The following PTPRZ1 variants were observed in gnomAD, a reference collection of about 807,000 sequenced individuals.
PTPRZ1 encodes protein tyrosine phosphatase receptor type Z1.
In PTPRZ1, 82 loss-of-function variants were observed where a neutral mutation model predicts 214.1. The observed-to-expected ratio is 0.38, with a 90% CI of 0.32 to 0.46. The LOEUF is 0.46. Among genes scored for constraint, PTPRZ1 ranks in the 20% least tolerant of loss-of-function variants. The probability of loss-of-function intolerance (pLI) is 1.00; values close to 1 mark genes in which losing one functional copy is unlikely to be tolerated. For synonymous variants in PTPRZ1, 945 were observed against 987.9 expected (o/e 0.96, Z 0.81); for missense variants, 2,603 against 2,748.7 (o/e 0.95, Z 1.19).
At chr7:122,049,516 GA>G (rs1792104670) in intron 23 of PTPRZ1, among the ~76,000 whole-genome samples, 1 of 151,786 alleles carries the variant, frequency 6.6e-6, no homozygotes, top group Non-Finnish European at 1.5e-5. Flanking sequence ...AAATGTTTTA[GA>G]ACAAAAAAGA....
chr7:121,887,390 C>G (rs1194935296), intron 1 of PTPRZ1, among the ~76,000 whole-genome samples: 1 of 152,086 alleles, frequency 6.6e-6, no homozygotes, highest in East Asian at 1.9e-4. Context: ...GTAAGCAACT[C>G]GAGATCACAT....
chr7:121,976,779 T>A lies in PTPRZ1; in HGVS notation c.553-6T>A, dbSNP rs1797451386. The A allele has an allele frequency of 6.3e-7, 1 of 1,587,864 alleles. No individual in the cohort carries two copies. Among genetic ancestry groups the A allele is most frequent in the Non-Finnish European group, 8.6e-7 (1 of 1,166,784 alleles). ...CTTTTTTTAGAATGTGATTCTTTTT[T>A]AACAGGTTGGGACAGAAGAAAATTT... On this transcript the variant is annotated splice_polypyrimidine_tract_variant and splice_region_variant and intron_variant, in intron 5 of 29. Transcript: ENST00000393386.
At chr7:121,937,699 G>A (rs1199521639) in intron 2 of PTPRZ1, among the ~76,000 whole-genome samples, 2 of 152,096 alleles carry the variant, frequency 1.3e-5, no homozygotes, top group African/African-American at 4.8e-5. Flanking sequence ...TCAGATTCTG[G>A]TCCATGCAAG....
At chr7:121,930,589 G>A (rs1296767709) in intron 2 of PTPRZ1, among the ~76,000 whole-genome samples, 1 of 151,900 alleles carries the variant, frequency 6.6e-6, no homozygotes, top group Non-Finnish European at 1.5e-5. Context: ...CACTAACACT[G>A]ACTCTAAAAA....
Position 121,930,979 on chromosome 7 carries a change from A to G in PTPRZ1, c.124+2758A>G, listed in dbSNP as rs555389767. The stretch of plus-strand genomic sequence containing the variant: ...TTAGTTTTCCTGGAAAATATCTGCC[A>G]GTGTCACCATCTGGGCAATATTTAA... On this transcript the variant is annotated intron_variant, in intron 2 of 29. Transcript: ENST00000393386. Among the ~76,000 whole-genome samples the G allele has an allele frequency of 3.3e-5, 5 of 152,296 alleles. No homozygotes were observed. The East Asian group carries it at 9.7e-4, about 29-fold the overall frequency.
intron 1 of PTPRZ1, among the ~76,000 whole-genome samples, chr7:121,901,259 A>G (rs1794949626): frequency 6.6e-6 from 1 of 152,124 alleles, no homozygotes; most frequent in Non-Finnish European, 1.5e-5. Flanking sequence ...TTCACAACCT[A>G]CTCAAAGTGA....
At chr7:122,044,940 G>A (rs1799842442) in intron 23 of PTPRZ1, among the ~76,000 whole-genome samples, 1 of 151,338 alleles carries the variant, frequency 6.6e-6, no homozygotes, top group South Asian at 2.1e-4. Context: ...CGGTGGCTCA[G>A]GCTGTTCCTG....
At chr7:122,008,572 G>C (rs1798558534) in intron 11 of PTPRZ1, among the ~76,000 whole-genome samples, 1 of 152,048 alleles carries the variant, frequency 6.6e-6, no homozygotes, top group African/African-American at 2.4e-5. Flanking sequence ...GTTGGTCCCT[G>C]TTTTTATGTT....
At chr7:121,908,672 A>G in intron 1 of PTPRZ1, 1 of 462,838 alleles carries the variant, frequency 2.2e-6, no homozygotes, top group Non-Finnish European at 4.1e-6. Flanking sequence ...AAAAACTTGA[A>G]TAAATTGCTA....
intron 10 of PTPRZ1, among the ~76,000 whole-genome samples, chr7:121,999,408 TCA>T (rs1461282485): frequency 1.3e-5 from 2 of 152,154 alleles, no homozygotes; most frequent in African/African-American, 4.8e-5. Context: ...CCAAAGTTCC[TCA>T]CAATGAGCTA....
rs1170112403 is a variant in PTPRZ1 at position 122,053,912 on chromosome 7, C to T, written c.6255C>T (p.Gly2085=). Residue 2085 remains glycine (G), a splice_region_variant and synonymous_variant, in exon 26 of 30, where the codon GGC becomes GGT. Transcript: ENST00000393386. ...TTGTCTTCTCTTTGGTTTTGTAGGG[C>T]TATTACCAGAGCAATGAATTCATCA... The part of the protein sequence containing the change: ...TDYINASYIM[G]YYQSNEFIIT... The T allele has an allele frequency of 6.2e-7, 1 of 1,612,572 alleles. No individual in the cohort carries two copies. Among genetic ancestry groups the T allele is most frequent in the South Asian group, 1.1e-5 (1 of 91,020 alleles).
chr7:122,031,462 TTA>T lies in PTPRZ1; in HGVS notation c.5081-10_5081-9del, dbSNP rs1799369466. ...AATTATGCTCTCTAACACAATTTTT[TTA>T]TTCACGTAGATGATGTCGGAGCAAT... On this transcript the variant is annotated splice_polypyrimidine_tract_variant and intron_variant, in intron 14 of 29. Transcript: ENST00000393386. 1.2e-6 allele frequency: 2 copies of T among 1,601,846 alleles called. No homozygotes were observed. The highest frequency in any genetic ancestry group is 1.7e-6 in the Non-Finnish European group (2 of 1,170,646).
Position 122,036,591 on chromosome 7 carries a change from A to G in PTPRZ1, c.5285-9A>G. 6.4e-7 allele frequency: 1 copy of G among 1,562,210 alleles called. No individual in the cohort carries two copies. The highest frequency in any genetic ancestry group is 8.8e-7 in the Non-Finnish European group (1 of 1,133,582). On this transcript the variant is annotated splice_polypyrimidine_tract_variant and intron_variant, in intron 17 of 29. Transcript: ENST00000393386. Reference sequence around the variant, plus strand: ...TGCTACAATGAAATATATTCTCTTTATATTACAGATGATCATAGCAGGGTT... The same window carrying G: ...TGCTACAATGAAATATATTCTCTTTGTATTACAGATGATCATAGCAGGGTT...
chr7:121,950,775 A>G (rs1163514876), intron 2 of PTPRZ1, among the ~76,000 whole-genome samples: 2 of 152,212 alleles, frequency 1.3e-5, no homozygotes, highest in African/African-American at 2.4e-5. Context: ...AAGAAAATTC[A>G]TATTTGTATT....
chr7:121,980,594 A>G, intron 6 of PTPRZ1, among the ~76,000 whole-genome samples: 1 of 152,224 alleles, frequency 6.6e-6, no homozygotes, highest in Admixed American at 6.5e-5. Context: ...AGTTAAGAAA[A>G]GGTTTTTATT....
intron 1 of PTPRZ1, among the ~76,000 whole-genome samples, chr7:121,919,290 C>T (rs1305911856): frequency 6.6e-6 from 1 of 152,044 alleles, no homozygotes; most frequent in East Asian, 1.9e-4. Flanking sequence ...CCAGTAAAGT[C>T]TCACAGTTCT....
Position 122,010,492 on chromosome 7 carries a change from C to G in PTPRZ1, c.1446C>G (p.Ser482=), listed in dbSNP as rs138613506. The change falls in exon 12 of 30, where the codon TCC becomes TCG. Residue 482 remains serine (S), a synonymous_variant. Transcript: ENST00000393386. ...ACAATGAAGCCAAGACTAACCGATC[C>G]CCAACAAGAGGAAGTGAATTCTCTG... is the stretch of plus-strand genomic sequence containing the variant. ...TKYNEAKTNR[S]PTRGSEFSGK... is the part of the protein sequence containing the mutation. The G allele has an allele frequency of 1.2e-6, 2 of 1,613,996 alleles. No homozygotes were observed. Among genetic ancestry groups the G allele is most frequent in the Non-Finnish European group, 1.7e-6 (2 of 1,179,938 alleles).
intron 23 of PTPRZ1, among the ~76,000 whole-genome samples, chr7:122,045,593 G>T (rs1391187028): frequency 1.3e-5 from 2 of 151,842 alleles, no homozygotes; most frequent in African/African-American, 2.4e-5. Context: ...GAATGCCTTA[G>T]GGGGGAAAAG....
At chr7:121,930,794 A>AT (rs1423048009) in intron 2 of PTPRZ1, among the ~76,000 whole-genome samples, 1 of 152,140 alleles carries the variant, frequency 6.6e-6, no homozygotes, top group Non-Finnish European at 1.5e-5. Flanking sequence ...ATTGTAACTC[A>AT]TTTTGTCTTC....
Sources: gnomAD v4.1 joint callset for allele counts (sites outside exome capture counted in the v4.1 genomes callset) on GRCh38, gnomAD v4.1.1 for gene constraint, MANE v1.5 for transcripts, NCBI Gene and HGNC (gene_info 2026-07-23, HGNC 2026-07-21) for gene names.